The following ROCK1 variants were observed in gnomAD, a reference collection of about 807,000 sequenced individuals.
ROCK1 encodes Rho associated coiled-coil containing protein kinase 1.
A neutral mutation model predicts 196.8 loss-of-function variants in ROCK1; 36 were observed. That is an observed-to-expected ratio of 0.18 (90% CI 0.14 to 0.24). The LOEUF (loss-of-function observed/expected upper bound fraction) is 0.24, where lower values mean the gene tolerates loss of function less well. Ranked by LOEUF, ROCK1 falls within the 10% of genes least tolerant of loss-of-function variation. The probability of loss-of-function intolerance (pLI) is 1.00; values close to 1 mark genes in which losing one functional copy is unlikely to be tolerated. For synonymous variants in ROCK1, 443 were observed against 515.9 expected, an observed-to-expected ratio of 0.86 and a Z score of 1.91; for missense variants, 920 against 1,562.0, an observed-to-expected ratio of 0.59 and a Z score of 6.93.
At chr18:20,957,439 A>G (rs1247957177) in intron 29 of ROCK1, among the ~76,000 whole-genome samples, 23 of 152,358 alleles carry the variant, frequency 1.5e-4, no homozygotes, top group Admixed American at 2.6e-4. Context: ...AATCTTGGCA[A>G]TAGAAATCAG....
intron 22 of ROCK1, among the ~76,000 whole-genome samples, chr18:20,973,677 C>CA (rs1230229951): frequency 6.6e-6 from 1 of 152,130 alleles, no homozygotes; most frequent in Non-Finnish European, 1.5e-5. Context: ...AGAAGGAAGG[C>CA]AGGGTTTATA....
intron 18 of ROCK1, among the ~76,000 whole-genome samples, chr18:20,988,610 C>G (rs776774956): frequency 2.6e-5 from 4 of 152,158 alleles, no homozygotes; most frequent in Non-Finnish European, 4.4e-5. Flanking sequence ...ACTGAACTTA[C>G]TATCACTTCT....
chr18:21,089,773 G>A (rs1159379236), intron 1 of ROCK1, among the ~76,000 whole-genome samples: 1 of 152,098 alleles, frequency 6.6e-6, no homozygotes, highest in African/African-American at 2.4e-5. Context: ...ATTGAATACT[G>A]TACTGAAAGT....
At chr18:21,059,037 T>C (rs2036267263) in intron 2 of ROCK1, among the ~76,000 whole-genome samples, 1 of 151,906 alleles carries the variant, frequency 6.6e-6, no homozygotes. Context: ...CAACAAAAAA[T>C]AAATATAAAA....
At chr18:21,102,708 A>T (rs1016682658) in intron 1 of ROCK1, among the ~76,000 whole-genome samples, 2 of 152,134 alleles carry the variant, frequency 1.3e-5, no homozygotes, top group Non-Finnish European at 2.9e-5. Context: ...ACCAAAAAAA[A>T]TACAAAAATT....
chr18:20,975,943 T>G (rs1251219826), intron 22 of ROCK1, among the ~76,000 whole-genome samples: 2 of 152,228 alleles, frequency 1.3e-5, no homozygotes, highest in Non-Finnish European at 2.9e-5. Flanking sequence ...TTTCTCTTTC[T>G]GGAAATATTC....
intron 22 of ROCK1, among the ~76,000 whole-genome samples, chr18:20,970,911 C>T (rs1341154154): frequency 6.6e-6 from 1 of 152,182 alleles, no homozygotes; most frequent in East Asian, 1.9e-4. Context: ...TGAGTAGAGA[C>T]ACTGGGCAAG....
chr18:21,011,590 G>C (rs1368621035), intron 13 of ROCK1, among the ~76,000 whole-genome samples: 1 of 152,048 alleles, frequency 6.6e-6, no homozygotes, highest in Non-Finnish European at 1.5e-5. Flanking sequence ...CTAGTAGCTG[G>C]GACTACAGGC....
intron 1 of ROCK1, among the ~76,000 whole-genome samples, chr18:21,103,463 TA>T (rs922681985): frequency 1.6e-4 from 24 of 151,668 alleles, no homozygotes; most frequent in Middle Eastern, 3.2e-3. Flanking sequence ...TTTATTTTAT[TA>T]TTTTTTTTTT....
chr18:20,957,922 A>G (rs1158539381), intron 29 of ROCK1, among the ~76,000 whole-genome samples: 14 of 152,158 alleles, frequency 9.2e-5, no homozygotes, highest in Admixed American at 9.2e-4. Context: ...TGCTGGGATT[A>G]GAGGCATAAC....
chr18:21,018,775 C>T (rs375317719), intron 12 of ROCK1, among the ~76,000 whole-genome samples: 4 of 152,232 alleles, frequency 2.6e-5, no homozygotes, highest in African/African-American at 9.6e-5. Flanking sequence ...AAACCCCCCA[C>T]CTGCTCTGTC....
chr18:21,027,750 A>ATTTTTTT (rs751964514), intron 10 of ROCK1, among the ~76,000 whole-genome samples: 7 of 95,322 alleles, frequency 7.3e-5, no homozygotes, highest in African/African-American at 1.1e-4. Flanking sequence ...GAATCACTTA[A>ATTTTTTT]TTTTTTTTTT....
intron 20 of ROCK1, 109 bp downstream of exon 20, chr18:20,984,242 C>T (rs1184649082): frequency 2.8e-5 from 23 of 821,070 alleles, no homozygotes; most frequent in Non-Finnish European, 4.0e-5. Context: ...TTTTTTCTGT[C>T]TTTCACAAAC....
At chr18:21,052,891 A>G (rs552465664) in intron 2 of ROCK1, among the ~76,000 whole-genome samples, 2 of 152,340 alleles carry the variant, frequency 1.3e-5, no homozygotes, top group East Asian at 1.9e-4. Flanking sequence ...AAGAAAAATA[A>G]TAAGTACATA....
chr18:20,955,267 G>A (rs762187150), intron 29 of ROCK1, 22 bp from the exon 30 acceptor site: 10 of 1,578,070 alleles, frequency 6.3e-6, no homozygotes, highest in African/African-American at 1.4e-5. Context: ...ATAAATACAG[G>A]CCATTTACAA....
At chr18:21,086,420 A>T (rs2036528378) in intron 1 of ROCK1, among the ~76,000 whole-genome samples, 1 of 152,080 alleles carries the variant, frequency 6.6e-6, no homozygotes, top group Non-Finnish European at 1.5e-5. Context: ...CCTGAAAATA[A>T]TTTTTTAAAA....
At chr18:21,077,798 G>A (rs7231120) in intron 1 of ROCK1, among the ~76,000 whole-genome samples, 70,930 of 151,918 alleles carry the variant, frequency 0.47, 17,641 homozygotes, top group Non-Finnish European at 0.57. Flanking sequence ...TACCCCAGCA[G>A]AGGGCAAATC....
At position 21,023,762 on chromosome 18, in the gene ROCK1, G is replaced by A. The variant is rs535952800; in HGVS notation, c.1212-82C>T. The A allele has an allele frequency of 2.9e-4, 186 of 646,074 alleles. 2 individuals carry two copies. The Middle Eastern group carries it at 4.5e-3, about 16-fold the overall frequency. The allele number at this position is 646,074 out of a possible 1,614,324, so 40.0% of individuals were successfully genotyped here. On this transcript the variant is annotated intron_variant, in intron 10 of 32. Coordinates refer to ENST00000399799, the MANE Select transcript of ROCK1 (RefSeq NM_005406.3). ...TGACAACCAATAATAAATACTACAC[G>A]CCTATTTTATGTTCAGTTATAGTAA...
intron 1 of ROCK1, among the ~76,000 whole-genome samples, chr18:21,101,500 T>C (rs147124549): frequency 4.5e-4 from 69 of 152,344 alleles, no homozygotes; most frequent in African/African-American, 1.6e-3. Context: ...ACTACCATTT[T>C]ATAGGAAATA....
Sources: allele counts gnomAD v4.1 joint callset (sites outside exome capture counted in the v4.1 genomes callset), GRCh38; gene constraint gnomAD v4.1.1; transcripts MANE v1.5; gene names NCBI Gene and HGNC (gene_info 2026-07-23, HGNC 2026-07-21).